Variants in PTPRD observed in about 807,000 individuals in gnomAD.
The protein encoded by PTPRD is protein tyrosine phosphatase receptor type D, also known as receptor-type tyrosine-protein phosphatase delta.
Under a neutral mutation model 214.5 loss-of-function variants are expected in PTPRD, and 34 were observed. The observed-to-expected ratio is 0.16, with a 90% CI of 0.12 to 0.21. The LOEUF is 0.21. Among genes scored for constraint, PTPRD ranks in the 10% least tolerant of loss-of-function variants. PTPRD has a pLI of 1.00. For missense variants in PTPRD, 2,545 were observed against 2,398.7 expected, an observed-to-expected ratio of 1.06 and a Z score of -1.27; for synonymous variants, 1,128 against 845.7, an observed-to-expected ratio of 1.33 and a Z score of -5.79.
chr9:8,673,613 A>G (rs1250991364), intron 12 of PTPRD, among the ~76,000 whole-genome samples: 1 of 151,920 alleles, frequency 6.6e-6, no homozygotes, highest in Admixed American at 6.6e-5. Flanking sequence ...TCCTTAATGT[A>G]TCTCATTTAT....
intron 11 of PTPRD, among the ~76,000 whole-genome samples, chr9:8,810,604 A>C (rs1235072823): frequency 2.6e-5 from 4 of 151,988 alleles, no homozygotes. Context: ...AAAGGAACAC[A>C]CTCTAACAGT....
chr9:10,120,580 G>A (rs988051009), intron 3 of PTPRD, among the ~76,000 whole-genome samples: 2 of 151,856 alleles, frequency 1.3e-5, no homozygotes, highest in African/African-American at 4.8e-5. Flanking sequence ...TGTTTATGAT[G>A]TTCTTAGACA....
At chr9:10,140,327 T>TA (rs71485321) in intron 3 of PTPRD, among the ~76,000 whole-genome samples, 34,453 of 149,212 alleles carry the variant, frequency 0.23, 4,128 homozygotes, top group South Asian at 0.39. Context: ...CAATCATTAA[T>TA]AAAAAAAAAT....
chr9:8,362,111 C>A (rs1489573334), intron 39 of PTPRD, among the ~76,000 whole-genome samples: 1 of 152,194 alleles, frequency 6.6e-6, no homozygotes, highest in South Asian at 2.1e-4. Context: ...CAAAGCTTCA[C>A]TCTAAAAATG....
At chr9:9,611,894 G>T (rs1165914817) in intron 7 of PTPRD, among the ~76,000 whole-genome samples, 1 of 152,040 alleles carries the variant, frequency 6.6e-6, no homozygotes, top group East Asian at 1.9e-4. Flanking sequence ...GAACTGGCAT[G>T]AACAAAATCT....
chr9:9,503,724 A>G (rs1040772030), intron 8 of PTPRD, among the ~76,000 whole-genome samples: 3 of 151,744 alleles, frequency 2.0e-5, no homozygotes, highest in Non-Finnish European at 4.4e-5. Flanking sequence ...AAGTAAATAT[A>G]TAAAGCCAGG....
At chr9:9,193,078 C>T (rs2131915239) in intron 9 of PTPRD, among the ~76,000 whole-genome samples, 1 of 152,176 alleles carries the variant, frequency 6.6e-6, no homozygotes, top group Non-Finnish European at 1.5e-5. Context: ...GGCATATGAC[C>T]TGACTATGAA....
At chr9:9,239,764 G>C (rs552068079) in intron 9 of PTPRD, among the ~76,000 whole-genome samples, 34 of 152,220 alleles carry the variant, frequency 2.2e-4, no homozygotes, top group African/African-American at 7.5e-4. Flanking sequence ...GTCCTCCCTG[G>C]CCCAGTTGTG....
chr9:8,585,923 G>A (rs2093618443), intron 14 of PTPRD, among the ~76,000 whole-genome samples: 1 of 152,168 alleles, frequency 6.6e-6, no homozygotes, highest in Non-Finnish European at 1.5e-5. Flanking sequence ...CCATGATTGT[G>A]CCATCAGTCA....
At chr9:9,894,443 T>A (rs535350021) in intron 5 of PTPRD, among the ~76,000 whole-genome samples, 1 of 152,208 alleles carries the variant, frequency 6.6e-6, no homozygotes, top group East Asian at 1.9e-4. Flanking sequence ...TTAATCAGAT[T>A]TTTTAAATTC....
chr9:9,384,326 T>C lies in PTPRD; in HGVS notation c.-203+13123A>G, dbSNP rs907493017. On this transcript the variant is annotated intron_variant, in intron 9 of 45. Transcript: ENST00000381196. ...AAAGGTTTTATGTTGAAGATGATAT[T>C]TGAGCAGAAGACTAGGCTTTTTTTT... 3.6e-5 allele frequency among the ~76,000 whole-genome samples: 5 copies of C among 140,174 alleles called. No homozygotes were observed. The East Asian group carries it at 8.6e-4, about 24-fold the overall frequency. The allele number at this position is 140,174 out of a possible 152,430, so 92.0% of individuals were successfully genotyped here.
At chr9:8,378,635 G>C (rs973427966) in intron 37 of PTPRD, among the ~76,000 whole-genome samples, 4 of 151,978 alleles carry the variant, frequency 2.6e-5, no homozygotes, top group Admixed American at 2.0e-4. Flanking sequence ...CAACCCTTTC[G>C]GTTTAAAATA....
intron 14 of PTPRD, among the ~76,000 whole-genome samples, chr9:8,632,116 CTTCT>C (rs1436064683): frequency 2.2e-5 from 3 of 138,254 alleles, no homozygotes; most frequent in African/African-American, 5.6e-5. Flanking sequence ...TCTTGAATTG[CTTCT>C]TTGTGTGTGT....
intron 39 of PTPRD, among the ~76,000 whole-genome samples, chr9:8,372,230 T>C (rs1056282646): frequency 3.9e-5 from 6 of 152,044 alleles, no homozygotes; most frequent in African/African-American, 1.4e-4. Context: ...TTTAATAAAA[T>C]GGATGGCTCA....
Position 9,598,561 on chromosome 9 carries a change from C to T in PTPRD, c.-286-23780G>A, listed in dbSNP as rs79987763. On this transcript the variant is annotated intron_variant, in intron 7 of 45. Coordinates refer to ENST00000381196, the MANE Select transcript of PTPRD (RefSeq NM_002839.4). ...CAGAATACAGTTTTTGAAGAAGCAA[C>T]TACTATAGACCTACTATAGACCTTT... 2.1e-3 allele frequency among the ~76,000 whole-genome samples: 313 copies of T among 152,060 alleles called. 11 individuals are homozygous for T. The East Asian group carries it at 0.046, about 22-fold the overall frequency.
chr9:9,019,489 A>G (rs977951089), intron 10 of PTPRD, among the ~76,000 whole-genome samples: 1 of 152,084 alleles, frequency 6.6e-6, no homozygotes, highest in African/African-American at 2.4e-5. Flanking sequence ...CAGATCACTT[A>G]AGGTCAGGAA....
At chr9:9,353,162 C>G (rs904511213) in intron 9 of PTPRD, among the ~76,000 whole-genome samples, 7 of 151,892 alleles carry the variant, frequency 4.6e-5, no homozygotes, top group African/African-American at 1.7e-4. Context: ...ACTTTACTAC[C>G]TATTTCATGT....
At chr9:9,233,934 G>A (rs571120306) in intron 9 of PTPRD, among the ~76,000 whole-genome samples, 1 of 152,266 alleles carries the variant, frequency 6.6e-6, no homozygotes, top group East Asian at 1.9e-4. Context: ...GGTACATAAT[G>A]CAAGCTGTCA....
chr9:9,606,252 A>T (rs939577284), intron 7 of PTPRD, among the ~76,000 whole-genome samples: 2 of 152,114 alleles, frequency 1.3e-5, no homozygotes, highest in African/African-American at 4.8e-5. Context: ...ATCGATGGAG[A>T]TGTCATTAAC....
Sources: gnomAD v4.1 joint callset for allele counts (sites outside exome capture counted in the v4.1 genomes callset) on GRCh38, gnomAD v4.1.1 for gene constraint, MANE v1.5 for transcripts, NCBI Gene and HGNC (gene_info 2026-07-23, HGNC 2026-07-21) for gene names.